The following ARHGAP20 variants were observed in gnomAD, a reference collection of about 807,000 sequenced individuals.
The protein encoded by ARHGAP20 is rho GTPase-activating protein 20.
In ARHGAP20, 34 loss-of-function variants were observed where a neutral mutation model predicts 73.7. The observed-to-expected ratio is 0.46, with a 90% CI of 0.35 to 0.61. The LOEUF (loss-of-function observed/expected upper bound fraction) is 0.61. Among genes scored for constraint, ARHGAP20 ranks in the 20% least tolerant of loss-of-function variants. ARHGAP20 has a pLI of 0.00. For synonymous variants in ARHGAP20, 523 were observed against 518.2 expected (o/e 1.01, Z -0.13); for missense variants, 1,314 against 1,420.9 (o/e 0.92, Z 1.21).
chr11:110,700,030 C>T (rs1003657243), intron 1 of ARHGAP20, among the ~76,000 whole-genome samples: 2 of 151,946 alleles, frequency 1.3e-5, no homozygotes, highest in African/African-American at 4.8e-5. Flanking sequence ...TATGTAGGCT[C>T]TCACTGGAAT....
intron 2 of ARHGAP20, among the ~76,000 whole-genome samples, chr11:110,669,488 C>T (rs1435792791): frequency 3.3e-5 from 5 of 150,794 alleles, no homozygotes; most frequent in Non-Finnish European, 7.4e-5. Context: ...AAAAACCCAA[C>T]ACAAAATGAG....
intron 8 of ARHGAP20, 116 bp from the exon 9 acceptor site, chr11:110,606,865 C>T: frequency 1.1e-6 from 1 of 873,748 alleles, no homozygotes; most frequent in Middle Eastern, 3.3e-4. Context: ...TAAAGAATCC[C>T]TTTGTTTGAC....
chr11:110,603,062 T>C (rs1314524972), intron 9 of ARHGAP20, among the ~76,000 whole-genome samples: 1 of 152,222 alleles, frequency 6.6e-6, no homozygotes, highest in Non-Finnish European at 1.5e-5. Context: ...TTGTATTGTT[T>C]TGATCAGTGG....
At chr11:110,645,528 T>C (rs981862095) in intron 2 of ARHGAP20, among the ~76,000 whole-genome samples, 2 of 152,136 alleles carry the variant, frequency 1.3e-5, no homozygotes, top group African/African-American at 4.8e-5. Context: ...GGTGGAAATG[T>C]CAACTAATTC....
intron 2 of ARHGAP20, among the ~76,000 whole-genome samples, chr11:110,639,515 T>C (rs1264798026): frequency 6.6e-6 from 1 of 152,010 alleles, no homozygotes; most frequent in Admixed American, 6.6e-5. Flanking sequence ...TATCACTACT[T>C]AGTTCCTGAA....
At chr11:110,635,284 T>A (rs1948942490) in intron 2 of ARHGAP20, among the ~76,000 whole-genome samples, 1 of 152,140 alleles carries the variant, frequency 6.6e-6, no homozygotes, top group South Asian at 2.1e-4. Context: ...AGGGAACATG[T>A]TTTAAAAATG....
chr11:110,616,563 T>C (rs940701673), intron 4 of ARHGAP20, among the ~76,000 whole-genome samples: 1 of 152,178 alleles, frequency 6.6e-6, no homozygotes, highest in Non-Finnish European at 1.5e-5. Flanking sequence ...TTTAGAGATG[T>C]TGGAAATCCT....
At chr11:110,591,907 A>G in intron 10 of ARHGAP20, 70 bp downstream of exon 10, 1 of 1,514,048 alleles carries the variant, frequency 6.6e-7, no homozygotes, top group Non-Finnish European at 9.0e-7. Flanking sequence ...TTGGGGACAG[A>G]TTTACCTCGC....
chr11:110,590,120 CAAA>C (rs558720081), intron 11 of ARHGAP20, among the ~76,000 whole-genome samples: 8 of 64,002 alleles, frequency 1.2e-4, no homozygotes, highest in Non-Finnish European at 1.3e-4. Context: ...GACCCCGCCT[CAAA>C]AAAAAAAAAA....
chr11:110,579,114 T>C lies in ARHGAP20; in HGVS notation c.*256A>G. The C allele has an allele frequency of 9.0e-7, 1 of 1,111,232 alleles. No individual in the cohort carries two copies. The highest frequency in any genetic ancestry group is 1.1e-6 in the Non-Finnish European group (1 of 906,438). The allele number at this position is 1,111,232 out of a possible 1,614,324, so 68.8% of individuals were successfully genotyped here. A position where few individuals can be genotyped will look rare whatever the true frequency, so the allele number is the denominator to read the frequency against. ...CTTTCTCTAGCCCTCTGTTAGTATC[T>C]CTAAAACCACATGACAGGACCAATC... On this transcript the variant is annotated 3_prime_UTR_variant, in exon 15 of 15. Coordinates refer to ENST00000683387, the MANE Select transcript of ARHGAP20 (RefSeq NM_001384657.1).
At chr11:110,661,373 G>T (rs2135044086) in intron 2 of ARHGAP20, among the ~76,000 whole-genome samples, 1 of 152,074 alleles carries the variant, frequency 6.6e-6, no homozygotes, top group Non-Finnish European at 1.5e-5. Context: ...AGTTGAAAAG[G>T]GCCTTTAAAA....
chr11:110,668,854 C>T (rs1949774251), intron 2 of ARHGAP20, among the ~76,000 whole-genome samples: 2 of 151,954 alleles, frequency 1.3e-5, no homozygotes, highest in South Asian at 4.2e-4. Context: ...GACAAAGGTA[C>T]AAAGGCAATT....
chr11:110,625,032 ATTTTT>A (rs766777290), intron 3 of ARHGAP20, among the ~76,000 whole-genome samples: 4 of 108,096 alleles, frequency 3.7e-5, no homozygotes, highest in South Asian at 2.4e-4. Flanking sequence ...TTTTATTTTT[ATTTTT>A]TTTTTTTTTT....
intron 12 of ARHGAP20, among the ~76,000 whole-genome samples, chr11:110,584,984 AAAATAT>A (rs1201274231): frequency 2.4e-3 from 168 of 69,188 alleles, no homozygotes; most frequent in Non-Finnish European, 5.6e-3. Context: ...TATATATGTG[AAAATAT>A]ATATGAATAT....
At chr11:110,645,578 AAGAG>A (rs1192739078) in intron 2 of ARHGAP20, among the ~76,000 whole-genome samples, 1 of 152,170 alleles carries the variant, frequency 6.6e-6, no homozygotes, top group African/African-American at 2.4e-5. Context: ...CTCAAGAACT[AAGAG>A]TTGAACTATC....
At chr11:110,700,288 C>T (rs1950418380) in intron 1 of ARHGAP20, among the ~76,000 whole-genome samples, 1 of 151,988 alleles carries the variant, frequency 6.6e-6, no homozygotes, top group Non-Finnish European at 1.5e-5. Flanking sequence ...CACTTTCAAG[C>T]ATTTAAAATA....
chr11:110,592,777 T>A (rs1420410667), intron 9 of ARHGAP20, among the ~76,000 whole-genome samples: 1 of 152,214 alleles, frequency 6.6e-6, no homozygotes, highest in Non-Finnish European at 1.5e-5. Flanking sequence ...ACTACTCTCC[T>A]CTTGAGAACA....
chr11:110,637,444 A>T (rs326955), intron 2 of ARHGAP20, among the ~76,000 whole-genome samples: 74,539 of 151,920 alleles, frequency 0.49, 20,403 homozygotes, highest in African/African-American at 0.75. Context: ...TATTAGTTCT[A>T]CCATGAAAAC....
intron 2 of ARHGAP20, among the ~76,000 whole-genome samples, chr11:110,673,993 C>T (rs1012389409): frequency 2.6e-5 from 4 of 150,988 alleles, no homozygotes; most frequent in African/African-American, 9.8e-5. Flanking sequence ...GGCTTGAGTG[C>T]AGTGGCATGA....
Sources: allele counts gnomAD v4.1 joint callset (sites outside exome capture counted in the v4.1 genomes callset), GRCh38; gene constraint gnomAD v4.1.1; transcripts MANE v1.5; gene names NCBI Gene and HGNC (gene_info 2026-07-23, HGNC 2026-07-21).